CSMD1: variants seen among roughly 807,000 people sequenced by gnomAD.
The protein encoded by CSMD1 is CUB and Sushi multiple domains 1, also known as CUB and sushi domain-containing protein 1.
Under a neutral mutation model 417.5 loss-of-function variants are expected in CSMD1, and 213 were observed. That is an observed-to-expected ratio of 0.51 (90% CI 0.46 to 0.57). The LOEUF is 0.57. Among genes scored for constraint, CSMD1 ranks in the 20% least tolerant of loss-of-function variants. The pLI, the probability that CSMD1 is intolerant of heterozygous loss-of-function variation, is 0.00. For missense variants in CSMD1, 6,923 were observed against 4,529.7 expected, an observed-to-expected ratio of 1.53 and a Z score of -15.17; for synonymous variants, 2,862 against 1,736.8, an observed-to-expected ratio of 1.65 and a Z score of -16.11.
At chr8:4,077,485 A>C (rs946280018) in intron 3 of CSMD1, among the ~76,000 whole-genome samples, 6 of 151,876 alleles carry the variant, frequency 4.0e-5, no homozygotes, top group African/African-American at 1.5e-4. Context: ...TTGAGGCTTC[A>C]CCTCAGTTTA....
intron 1 of CSMD1, among the ~76,000 whole-genome samples, chr8:4,840,837 T>A (rs897918251): frequency 6.6e-6 from 1 of 152,244 alleles, no homozygotes; most frequent in Non-Finnish European, 1.5e-5. Context: ...TCATGAGTAA[T>A]CATTACCACT....
At chr8:3,619,211 C>G (rs1017218976) in intron 7 of CSMD1, among the ~76,000 whole-genome samples, 8 of 152,042 alleles carry the variant, frequency 5.3e-5, no homozygotes, top group African/African-American at 1.2e-4. Context: ...AAAAATACAG[C>G]AAAATGTACA....
At chr8:4,354,885 T>TGG (rs2128903659) in intron 3 of CSMD1, among the ~76,000 whole-genome samples, 1 of 149,506 alleles carries the variant, frequency 6.7e-6, no homozygotes, top group South Asian at 2.1e-4. Flanking sequence ...TGTGTGTGTG[T>TGG]GTGTGTGTGT....
rs56191817 is a variant in CSMD1, at chr8:4,781,506, A to T, written c.86-143948T>A. Among the ~76,000 whole-genome samples, 1,214 of 152,348 alleles carry T rather than the reference A, an allele frequency of 8.0e-3. 10 individuals are homozygous for T. Among genetic ancestry groups the T allele is most frequent in the Non-Finnish European group, 0.013 (876 of 68,028 alleles). ...TCAGACACCAGCCTTTTAGAAAGAG[A>T]TCACATACAAGAGATAATTAAAAAT... On this transcript the variant is annotated intron_variant, in intron 1 of 69. Coordinates refer to ENST00000635120, the MANE Select transcript of CSMD1 (RefSeq NM_033225.6).
chr8:4,532,207 C>T (rs1796856315), intron 2 of CSMD1, among the ~76,000 whole-genome samples: 1 of 147,366 alleles, frequency 6.8e-6, no homozygotes, highest in Non-Finnish European at 1.5e-5. Flanking sequence ...GAAGAGAAAT[C>T]CTGCACCCCC....
intron 26 of CSMD1, among the ~76,000 whole-genome samples, chr8:3,243,380 T>G (rs916321073): frequency 6.6e-6 from 1 of 151,758 alleles, no homozygotes; most frequent in African/African-American, 2.4e-5. Context: ...TAAAGCTGTT[T>G]ATTTCACCTG....
chr8:3,295,595 T>A (rs1323134515), intron 25 of CSMD1, among the ~76,000 whole-genome samples: 5 of 152,224 alleles, frequency 3.3e-5, no homozygotes, highest in African/African-American at 4.8e-5. Flanking sequence ...TATATTCCAC[T>A]GTACTGATGC....
chr8:3,858,570 T>G (rs1211267417), intron 5 of CSMD1, among the ~76,000 whole-genome samples: 1 of 152,178 alleles, frequency 6.6e-6, no homozygotes, highest in African/African-American at 2.4e-5. Flanking sequence ...TGGACTACTT[T>G]CACGAGTAGT....
intron 3 of CSMD1, among the ~76,000 whole-genome samples, chr8:4,316,127 T>C (rs1446150014): frequency 6.6e-6 from 1 of 152,170 alleles, no homozygotes; most frequent in African/African-American, 2.4e-5. Context: ...CTCTTAACCA[T>C]TCAAAAACCT....
rs183615636 is a variant in CSMD1 at position 4,176,335 on chromosome 8, T to A, written c.416-144236A>T. ...TATATTGTTTGCTGACGTCAACCTT[T>A]TAAATTGAAAATAAATTAGTATGAC... On this transcript the variant is annotated intron_variant, in intron 3 of 69. Transcript: ENST00000635120. Among the ~76,000 whole-genome samples the A allele has an allele frequency of 9.9e-5, 15 of 152,274 alleles. No individual in the cohort carries two copies. In the East Asian group the frequency reaches 2.9e-3, roughly 29 times the overall value.
chr8:3,116,239 AT>A (rs1816860305), intron 42 of CSMD1, among the ~76,000 whole-genome samples: 1 of 152,216 alleles, frequency 6.6e-6, no homozygotes, highest in African/African-American at 2.4e-5. Context: ...TGTTTTCAAT[AT>A]TTATGATAAA....
At chr8:3,293,392 T>C (rs193200565) in intron 25 of CSMD1, among the ~76,000 whole-genome samples, 1 of 152,156 alleles carries the variant, frequency 6.6e-6, no homozygotes, top group African/African-American at 2.4e-5. Context: ...GATTGGGGAA[T>C]TTCTCCTGGT....
At chr8:4,612,483 G>A (rs1801234334) in intron 2 of CSMD1, among the ~76,000 whole-genome samples, 1 of 152,174 alleles carries the variant, frequency 6.6e-6, no homozygotes, top group Non-Finnish European at 1.5e-5. Context: ...GAGGTCACAT[G>A]GAGATGACCA....
At position 3,892,571 on chromosome 8, in the gene CSMD1, A is replaced by T. The variant is rs4875794; in HGVS notation, c.818+105332T>A. 6.6e-5 allele frequency among the ~76,000 whole-genome samples: 10 copies of T among 151,908 alleles called. No homozygotes were observed. In the South Asian group the frequency reaches 1.3e-3, roughly 19 times the overall value. ...TAATAATAATAATAAGATTACTCTA[A>T]GTAAAACCAGTTAAATCTGTTCTCT... On this transcript the variant is annotated intron_variant, in intron 5 of 69. Coordinates refer to ENST00000635120, the MANE Select transcript of CSMD1 (RefSeq NM_033225.6).
chr8:4,713,020 A>G (rs540921961), intron 1 of CSMD1, among the ~76,000 whole-genome samples: 137 of 152,334 alleles, frequency 9.0e-4, no homozygotes, highest in African/African-American at 3.1e-3. Flanking sequence ...CTGCCTGACT[A>G]CAAGGTGTGA....
Position 4,943,388 on chromosome 8 carries a change from C to T in CSMD1, c.85+50944G>A, listed in dbSNP as rs186034549. ...GTGGACGCCTGTAGTCCCAGTTACT[C>T]GGGAGGCTGAGGCAGGAGAATGGCG... On this transcript the variant is annotated intron_variant, in intron 1 of 69. Coordinates refer to ENST00000635120, the MANE Select transcript of CSMD1 (RefSeq NM_033225.6). Among the ~76,000 whole-genome samples, 342 of 151,808 alleles carry T rather than the reference C, an allele frequency of 2.3e-3. 2 individuals are homozygous for T. Among genetic ancestry groups the T allele is most frequent in the African/African-American group, 7.8e-3 (321 of 41,402 alleles).
At chr8:3,819,930 G>C (rs1436177662) in intron 5 of CSMD1, among the ~76,000 whole-genome samples, 1 of 152,162 alleles carries the variant, frequency 6.6e-6, no homozygotes, top group Non-Finnish European at 1.5e-5. Context: ...ACACGCCACA[G>C]CTTCGCCTCT....
intron 6 of CSMD1, among the ~76,000 whole-genome samples, chr8:3,749,474 GAAGA>G (rs1465791861): frequency 6.6e-6 from 1 of 152,146 alleles, no homozygotes; most frequent in Non-Finnish European, 1.5e-5. Context: ...GAAAGTCAAA[GAAGA>G]AAGTGTAAGA....
chr8:4,871,655 T>C (rs895990974), intron 1 of CSMD1, among the ~76,000 whole-genome samples: 1 of 152,140 alleles, frequency 6.6e-6, no homozygotes, highest in African/African-American at 2.4e-5. Flanking sequence ...AACTCTTCTT[T>C]AGGAACTATA....
Sources: gnomAD v4.1 joint callset for allele counts (sites outside exome capture counted in the v4.1 genomes callset) on GRCh38, gnomAD v4.1.1 for gene constraint, MANE v1.5 for transcripts, NCBI Gene and HGNC (gene_info 2026-07-23, HGNC 2026-07-21) for gene names.